Variants in TRIM37 observed in about 807,000 individuals in gnomAD.
TRIM37 encodes the protein tripartite motif containing 37.
Under a neutral mutation model 129.8 loss-of-function variants are expected in TRIM37, and 80 were observed. The ratio of observed to expected loss-of-function variants is 0.62; its 90% CI spans 0.51 to 0.74. The LOEUF is 0.74. TRIM37 is among the 30% of genes least tolerant of loss of function. The pLI is 0.00. For synonymous variants in TRIM37, 389 were observed against 387.1 expected (o/e 1.00, Z -0.06); for missense variants, 1,054 against 1,176.5 (o/e 0.90, Z 1.52).
intron 22 of TRIM37, among the ~76,000 whole-genome samples, chr17:59,010,517 A>G (rs1031484611): frequency 2.6e-5 from 4 of 152,156 alleles, no homozygotes; most frequent in Non-Finnish European, 5.9e-5. Context: ...CATTTGAGAT[A>G]GAGTCTCACT....
chr17:59,030,965 G>A (rs1053313360), intron 18 of TRIM37, among the ~76,000 whole-genome samples: 11 of 152,078 alleles, frequency 7.2e-5, no homozygotes, highest in East Asian at 3.8e-4. Flanking sequence ...CATACTTGGC[G>A]CACACATAAA....
the TRIM37 span, among the ~76,000 whole-genome samples, chr17:58,973,511 C>A: frequency 6.6e-6 from 1 of 151,176 alleles, no homozygotes; most frequent in Admixed American, 6.6e-5. Context: ...GTACCCAAAT[C>A]TGCTTCAAAC....
At chr17:58,977,105 A>T in the TRIM37 span, among the ~76,000 whole-genome samples, 1 of 152,170 alleles carries the variant, frequency 6.6e-6, no homozygotes, top group African/African-American at 2.4e-5. Context: ...GAAGTTGATT[A>T]AATCAAAAGC....
At chr17:59,024,664 T>C (rs1241358964) in intron 19 of TRIM37, among the ~76,000 whole-genome samples, 1 of 152,132 alleles carries the variant, frequency 6.6e-6, no homozygotes, top group Non-Finnish European at 1.5e-5. Flanking sequence ...GTAGCTGGGG[T>C]TACAGGTACA....
At chr17:58,979,753 G>A (rs2031252265), downstream of TRIM37, among the ~76,000 whole-genome samples, 2 of 152,160 alleles carry the variant, frequency 1.3e-5, no homozygotes, top group Non-Finnish European at 2.9e-5. Flanking sequence ...AAGGACTTAT[G>A]CCCAGTAACT....
intron 15 of TRIM37, among the ~76,000 whole-genome samples, 178 bp from the exon 16 acceptor site, chr17:59,047,997 A>C (rs549067899): frequency 1.3e-5 from 2 of 152,258 alleles, no homozygotes; most frequent in South Asian, 2.1e-4. Context: ...ACACTGACTG[A>C]TATCATTTTA....
At chr17:59,009,988 C>A (rs1369533090) in intron 22 of TRIM37, among the ~76,000 whole-genome samples, 1 of 152,176 alleles carries the variant, frequency 6.6e-6, no homozygotes, top group Admixed American at 6.5e-5. Flanking sequence ...TCCTATATTA[C>A]AACTGGCTAT....
At chr17:58,967,950 C>T in the TRIM37 span, among the ~76,000 whole-genome samples, 2 of 151,958 alleles carry the variant, frequency 1.3e-5, no homozygotes, top group South Asian at 2.1e-4. Flanking sequence ...AGTACAGGCG[C>T]GTGCCACCAC....
At chr17:59,037,282 G>A (rs2038626970) in intron 17 of TRIM37, among the ~76,000 whole-genome samples, 1 of 151,968 alleles carries the variant, frequency 6.6e-6, no homozygotes, top group Admixed American at 6.6e-5. Context: ...TTATTGGCCA[G>A]GTGCAGTGGA....
intron 19 of TRIM37, among the ~76,000 whole-genome samples, chr17:59,025,923 T>C (rs1439999783): frequency 6.6e-6 from 1 of 152,226 alleles, no homozygotes; most frequent in Non-Finnish European, 1.5e-5. Context: ...CTGTATTTCT[T>C]ATGTTAATGG....
At chr17:59,014,080 C>T (rs2035616094) in intron 21 of TRIM37, among the ~76,000 whole-genome samples, 1 of 152,004 alleles carries the variant, frequency 6.6e-6, no homozygotes, top group South Asian at 2.1e-4. Flanking sequence ...GAGCTAGTTG[C>T]ACTTTAATTT....
intron 19 of TRIM37, among the ~76,000 whole-genome samples, chr17:59,019,686 T>C (rs12943705): frequency 0.67 from 100,914 of 151,030 alleles, 34,129 homozygotes; most frequent in African/African-American, 0.77. Context: ...CCAGCCTGGG[T>C]AACAGGGAGA....
downstream of TRIM37, among the ~76,000 whole-genome samples, chr17:58,994,876 AGTAGCTGGGATTACAGGCAT>A (rs779323630): frequency 2.0e-5 from 3 of 151,550 alleles, no homozygotes; most frequent in Non-Finnish European, 4.4e-5. Context: ...CAGCCTCCTG[AGTAGCTGGGATTACAGGCAT>A]GCGCCATCAC....
chr17:58,989,876 T>C (rs1413714132), intron 24 of TRIM37, among the ~76,000 whole-genome samples: 1 of 151,824 alleles, frequency 6.6e-6, no homozygotes, highest in Non-Finnish European at 1.5e-5. Context: ...AAACCACAGA[T>C]AAAAGAAACT....
intron 10 of TRIM37, 52 bp downstream of exon 10, chr17:59,064,303 G>A: frequency 7.3e-7 from 1 of 1,369,354 alleles, no homozygotes. Flanking sequence ...TACCTTTCTG[G>A]CTCTTCCTTA....
rs545309081 is a variant in TRIM37, at chr17:58,983,080, C to T, written c.2892-159G>A. On this transcript the variant is annotated intron_variant, in intron 24 of 24. Transcript: ENST00000393066. Reference sequence around the variant, plus strand: ...AGGGTAAAGGGAAAAAGTTACTACACATGCTAGGCTTTCTCAGTGGGGAAA... The same window carrying T: ...AGGGTAAAGGGAAAAAGTTACTACATATGCTAGGCTTTCTCAGTGGGGAAA... The T allele has an allele frequency of 3.5e-5, 22 of 622,802 alleles. No homozygotes were observed. The South Asian group carries it at 4.6e-4, about 13-fold the overall frequency. 38.6% of individuals were successfully genotyped at this position (622,802 alleles called of 1,614,324 possible).
At chr17:59,053,494 C>G (rs1306900702) in intron 13 of TRIM37, among the ~76,000 whole-genome samples, 1 of 152,020 alleles carries the variant, frequency 6.6e-6, no homozygotes, top group Admixed American at 6.6e-5. Flanking sequence ...TCCCTGTGGA[C>G]AAAAACCATG....
At chr17:59,028,795 T>C (rs889741476) in intron 18 of TRIM37, 72 bp from the exon 19 acceptor site, 2 of 1,531,962 alleles carry the variant, frequency 1.3e-6, no homozygotes, top group African/African-American at 1.4e-5. Context: ...CATGAATATA[T>C]GCAAATTTGA....
chr17:59,063,494 T>C (rs2041677235), intron 10 of TRIM37, among the ~76,000 whole-genome samples: 1 of 152,220 alleles, frequency 6.6e-6, no homozygotes, highest in South Asian at 2.1e-4. Flanking sequence ...GGCCTTATTT[T>C]GATGGCCTTT....
Sources: allele counts gnomAD v4.1 joint callset (sites outside exome capture counted in the v4.1 genomes callset), GRCh38; gene constraint gnomAD v4.1.1; transcripts MANE v1.5; gene names NCBI Gene and HGNC (gene_info 2026-07-23, HGNC 2026-07-21).